The following CCDC192 variants were observed in gnomAD, a reference collection of about 807,000 sequenced individuals.
The protein encoded by CCDC192 is coiled-coil domain-containing protein 192.
intron 3 of CCDC192, among the ~76,000 whole-genome samples, chr5:127,765,452 T>A (rs1430988760): frequency 1.3e-5 from 2 of 152,240 alleles, no homozygotes; most frequent in African/African-American, 4.8e-5. Flanking sequence ...AAAGCACTTT[T>A]AAATTTCTAA....
At chr5:127,885,812 T>G (rs1269842811) in intron 6 of CCDC192, among the ~76,000 whole-genome samples, 1 of 152,146 alleles carries the variant, frequency 6.6e-6, no homozygotes, top group Non-Finnish European at 1.5e-5. Flanking sequence ...TATACCTCTG[T>G]GCATTATGGT....
At chr5:127,875,749 G>C (rs956988964) in intron 6 of CCDC192, 88 bp downstream of exon 6, 40 of 396,052 alleles carry the variant, frequency 1.0e-4, no homozygotes, top group Middle Eastern at 6.3e-4. Context: ...AAAAAACGAG[G>C]CTACAGGCCT....
At chr5:127,724,045 TTGAA>T (rs776536166) in intron 2 of CCDC192, among the ~76,000 whole-genome samples, 1 of 152,210 alleles carries the variant, frequency 6.6e-6, no homozygotes, top group African/African-American at 2.4e-5. Flanking sequence ...AAGAAGTTGA[TTGAA>T]TGAGGTTATG....
At chr5:127,841,763 C>T (rs909688856) in intron 5 of CCDC192, among the ~76,000 whole-genome samples, 4 of 152,162 alleles carry the variant, frequency 2.6e-5, no homozygotes, top group African/African-American at 4.8e-5. Context: ...AGCCATGACC[C>T]AAGCCTTGGG....
chr5:127,811,709 T>A (rs752003553), intron 5 of CCDC192, among the ~76,000 whole-genome samples: 1 of 152,192 alleles, frequency 6.6e-6, no homozygotes, highest in Non-Finnish European at 1.5e-5. Flanking sequence ...GATAAGTTTA[T>A]TATCATCAGA....
rs559834472 is a variant in CCDC192 at position 127,933,756 on chromosome 5, T to A, written c.536-7426T>A. Reference sequence around the variant, plus strand: ...ATTAAAAGGTAAGGTCTTTAGGAGGTGACAAGGTCATGAGGGCAGAGCCCT... The same window carrying A: ...ATTAAAAGGTAAGGTCTTTAGGAGGAGACAAGGTCATGAGGGCAGAGCCCT... On this transcript the variant is annotated intron_variant, in intron 6 of 6. Coordinates refer to ENST00000514853, the MANE Select transcript of CCDC192 (RefSeq NM_001317938.2). 3.3e-5 allele frequency among the ~76,000 whole-genome samples: 5 copies of A among 151,984 alleles called. 1 individual carries two copies. Among genetic ancestry groups the A allele is most frequent in the African/African-American group, 1.2e-4 (5 of 41,442 alleles).
intron 5 of CCDC192, among the ~76,000 whole-genome samples, chr5:127,832,388 A>C (rs1187856260): frequency 6.6e-6 from 1 of 152,210 alleles, no homozygotes; most frequent in Non-Finnish European, 1.5e-5. Flanking sequence ...ACTTCTGTGT[A>C]TGTAACCTGA....
intron 6 of CCDC192, among the ~76,000 whole-genome samples, chr5:127,883,134 C>CTCCCTACTCTCTACTA (rs1454376925): frequency 2.0e-5 from 3 of 152,206 alleles, no homozygotes; most frequent in African/African-American, 7.2e-5. Context: ...TTGCACTCTG[C>CTCCCTACTCTCTACTA]TCCCTACTCT....
At chr5:127,896,227 C>T (rs912525813) in intron 6 of CCDC192, among the ~76,000 whole-genome samples, 6 of 152,024 alleles carry the variant, frequency 3.9e-5, no homozygotes, top group African/African-American at 1.4e-4. Context: ...TCATTTGAGG[C>T]CATGAGTTAG....
intron 3 of CCDC192, among the ~76,000 whole-genome samples, chr5:127,779,789 T>C (rs1305666316): frequency 6.6e-6 from 1 of 152,086 alleles, no homozygotes; most frequent in Admixed American, 6.6e-5. Flanking sequence ...GTTACATGAG[T>C]AAGTTCTTTA....
chr5:127,821,292 T>C (rs1374352162), intron 5 of CCDC192, among the ~76,000 whole-genome samples: 1 of 152,234 alleles, frequency 6.6e-6, no homozygotes, highest in Non-Finnish European at 1.5e-5. Flanking sequence ...CTAAATGAGC[T>C]GGCTTCAGGC....
At chr5:127,930,173 C>T (rs1286188506) in intron 6 of CCDC192, among the ~76,000 whole-genome samples, 1 of 152,186 alleles carries the variant, frequency 6.6e-6, no homozygotes, top group Non-Finnish European at 1.5e-5. Flanking sequence ...ACTTGCACTT[C>T]AGCCTGGGTG....
chr5:127,919,061 G>C (rs28603069), intron 6 of CCDC192, among the ~76,000 whole-genome samples: 3,342 of 142,920 alleles, frequency 0.023, 125 homozygotes, highest in African/African-American at 0.088. Context: ...GTGTGTATGT[G>C]TGTGTGTATA....
At chr5:127,729,878 GA>G (rs1380057968) in intron 2 of CCDC192, among the ~76,000 whole-genome samples, 3 of 152,170 alleles carry the variant, frequency 2.0e-5, no homozygotes, top group African/African-American at 7.2e-5. Context: ...GTAGTGTTAA[GA>G]GGGAAATTTC....
intron 5 of CCDC192, among the ~76,000 whole-genome samples, chr5:127,841,861 C>T (rs192915957): frequency 3.2e-4 from 48 of 152,262 alleles, no homozygotes; most frequent in African/African-American, 1.1e-3. Context: ...CTTGTTTCTA[C>T]AGGGGCCAGG....
chr5:127,746,239 T>C (rs1432448923), intron 2 of CCDC192, among the ~76,000 whole-genome samples: 1 of 152,212 alleles, frequency 6.6e-6, no homozygotes, highest in Non-Finnish European at 1.5e-5. Context: ...TTCCTAAATT[T>C]GTCTGTATGA....
intron 6 of CCDC192, among the ~76,000 whole-genome samples, chr5:127,887,061 C>T (rs559681517): frequency 4.6e-5 from 7 of 152,172 alleles, no homozygotes; most frequent in African/African-American, 1.7e-4. Flanking sequence ...GGTGTGGTGG[C>T]TCACACCTGT....
At chr5:127,884,705 G>A (rs1359428437) in intron 6 of CCDC192, among the ~76,000 whole-genome samples, 1 of 152,172 alleles carries the variant, frequency 6.6e-6, no homozygotes, top group South Asian at 2.1e-4. Context: ...AGATGGGGAA[G>A]CTTTCTGGAT....
intron 5 of CCDC192, among the ~76,000 whole-genome samples, chr5:127,870,689 C>T (rs1312285957): frequency 6.6e-6 from 1 of 152,150 alleles, no homozygotes; most frequent in Non-Finnish European, 1.5e-5. Context: ...GTTAAAAAAT[C>T]CCCAAATCAA....
Sources: allele counts gnomAD v4.1 joint callset (sites outside exome capture counted in the v4.1 genomes callset), GRCh38; gene constraint gnomAD v4.1.1; transcripts MANE v1.5; gene names NCBI Gene and HGNC (gene_info 2026-07-23, HGNC 2026-07-21).